DNMBP: variants seen among roughly 807,000 people sequenced by gnomAD.
The protein encoded by DNMBP is dynamin binding protein.
In DNMBP, 87 loss-of-function variants were observed where a neutral mutation model predicts 150.0. That is an observed-to-expected ratio of 0.58 (90% CI 0.49 to 0.69). The LOEUF is 0.69. DNMBP is among the 30% of genes least tolerant of loss of function. DNMBP has a pLI of 0.00. For missense variants in DNMBP, 1,774 were observed against 1,949.0 expected (o/e 0.91, Z 1.69); for synonymous variants, 711 against 750.4 (o/e 0.95, Z 0.86).
At chr10:99,935,103 A>G (rs1186432372) in intron 4 of DNMBP, among the ~76,000 whole-genome samples, 5 of 151,188 alleles carry the variant, frequency 3.3e-5, no homozygotes, top group South Asian at 2.1e-4. Flanking sequence ...AAAAAAAAAA[A>G]AAAAAAAAAA....
intron 1 of DNMBP, among the ~76,000 whole-genome samples, chr10:99,992,661 GGA>G (rs1299771568): frequency 5.9e-5 from 9 of 151,504 alleles, no homozygotes; most frequent in Non-Finnish European, 1.3e-4. Flanking sequence ...CGAGTAGCTG[GGA>G]CTATAGGCGC....
At chr10:99,974,655 C>CTTAT in intron 1 of DNMBP, among the ~76,000 whole-genome samples, 1 of 152,078 alleles carries the variant, frequency 6.6e-6, no homozygotes, top group Non-Finnish European at 1.5e-5. Context: ...ATCTCAAGTA[C>CTTAT]TTATTTGGTC....
chr10:99,974,117 C>T (rs1373894694), intron 1 of DNMBP, among the ~76,000 whole-genome samples: 1 of 152,066 alleles, frequency 6.6e-6, no homozygotes, highest in Admixed American at 6.6e-5. Context: ...AGCACGACTT[C>T]ACCTCTATTT....
chr10:100,009,635 T>G (rs11592868), intron 1 of DNMBP, among the ~76,000 whole-genome samples: 63,403 of 151,708 alleles, frequency 0.42, 13,537 homozygotes, highest in African/African-American at 0.46. Context: ...GGGGGCCCGC[T>G]GCGCCCCACT....
Position 99,956,058 on chromosome 10 carries a change from C to T in DNMBP, c.1416G>A (p.Gln472=). 1 of 1,614,208 alleles carries T rather than the reference C, an allele frequency of 6.2e-7. No homozygotes were observed. The highest frequency in any genetic ancestry group is 1.1e-5 in the South Asian group (1 of 91,078). ...KRMYSQLKTL[Q]KPVLPLYRGS... ...CCCTGTAAAGAGGGAGCACTGGCTT[C>T]TGAAGAGTTTTTAGCTGGGAATACA... Residue 472 remains glutamine (Q), a synonymous_variant, in exon 4 of 17, where the codon CAG becomes CAA. Transcript: ENST00000324109.
rs770835733 is a variant in DNMBP, at chr10:99,956,131, GGAA to G, written c.1340_1342del (p.Leu447del). 1 of 1,614,132 alleles carries G rather than the reference GGAA, an allele frequency of 6.2e-7. No individual in the cohort carries two copies. Among genetic ancestry groups the G allele is most frequent in the Non-Finnish European group, 8.5e-7 (1 of 1,180,020 alleles). On this transcript the variant is annotated inframe_deletion, in exon 4 of 17. Transcript: ENST00000324109. ...ATAGTCTCTAGTCCTTGCTTCTAGG[GGAA>G]GAAGGTCGGGGTACTGTTCTGAGTG...
intron 13 of DNMBP, 56 bp from the exon 14 acceptor site, chr10:99,885,922 C>T (rs2039452614): frequency 1.4e-6 from 2 of 1,458,124 alleles, no homozygotes; most frequent in Admixed American, 4.8e-5. Flanking sequence ...GATAAAAGAT[C>T]CCAGAGAAAA....
chr10:99,896,405 G>T lies in DNMBP; in HGVS notation c.2921-8C>A, dbSNP rs763500263. On this transcript the variant is annotated splice_polypyrimidine_tract_variant and splice_region_variant and intron_variant, in intron 9 of 16. Coordinates refer to ENST00000324109, the MANE Select transcript of DNMBP (RefSeq NM_015221.4). ...CCTTACGGTACTTGAGGACTAGGGA[G>T]TAAGTCAGAAAAGCACTTTCCTCAG... The T allele has an allele frequency of 7.1e-5, 114 of 1,614,078 alleles. No individual in the cohort carries two copies. Among genetic ancestry groups the T allele is most frequent in the Non-Finnish European group, 9.5e-5 (112 of 1,179,978 alleles).
intron 12 of DNMBP, 102 bp from the exon 13 acceptor site, chr10:99,886,734 T>C: frequency 9.0e-7 from 1 of 1,111,996 alleles, no homozygotes; most frequent in Non-Finnish European, 1.3e-6. Flanking sequence ...CTGAACCACC[T>C]ACTTCGTTTC....
chr10:99,993,160 C>T (rs1038030873), intron 1 of DNMBP, among the ~76,000 whole-genome samples: 1 of 152,112 alleles, frequency 6.6e-6, no homozygotes, highest in Admixed American at 6.5e-5. Context: ...AAGCATTACA[C>T]CAGTGTCAGC....
intron 16 of DNMBP, among the ~76,000 whole-genome samples, chr10:99,879,000 G>A (rs988939398): frequency 1.3e-5 from 2 of 150,292 alleles, no homozygotes; most frequent in Admixed American, 6.7e-5. Flanking sequence ...CAGGAGAATC[G>A]CTTGAACCTG....
At chr10:99,885,477 C>T (rs1389724801) in intron 14 of DNMBP, among the ~76,000 whole-genome samples, 3 of 152,000 alleles carry the variant, frequency 2.0e-5, no homozygotes, top group Admixed American at 6.6e-5. Flanking sequence ...CACCACTGCA[C>T]TCCAGCCTGG....
At chr10:100,003,667 C>A (rs904862489) in intron 1 of DNMBP, among the ~76,000 whole-genome samples, 1 of 152,070 alleles carries the variant, frequency 6.6e-6, no homozygotes, top group African/African-American at 2.4e-5. Context: ...CCAGCCAGGG[C>A]AACAGAGTGA....
chr10:99,994,511 G>T (rs538744682), intron 1 of DNMBP, among the ~76,000 whole-genome samples: 2 of 152,274 alleles, frequency 1.3e-5, no homozygotes, highest in South Asian at 4.1e-4. Context: ...GTCTTCTTGA[G>T]AGGAAGGGGG....
chr10:99,916,195 G>C (rs191673502), intron 4 of DNMBP, among the ~76,000 whole-genome samples: 1 of 152,240 alleles, frequency 6.6e-6, no homozygotes, highest in Non-Finnish European at 1.5e-5. Flanking sequence ...GGGCACAGTG[G>C]CTCATGCCTG....
intron 11 of DNMBP, among the ~76,000 whole-genome samples, chr10:99,890,625 A>C (rs1222531654): frequency 6.6e-6 from 1 of 152,130 alleles, no homozygotes; most frequent in Admixed American, 6.5e-5. Context: ...AGACAAAGAA[A>C]CATACTCAGT....
At chr10:99,957,324 G>T in intron 3 of DNMBP, 119 bp from the exon 4 acceptor site, 1 of 857,628 alleles carries the variant, frequency 1.2e-6, no homozygotes, top group South Asian at 1.8e-5. Flanking sequence ...TACACCTAGA[G>T]CTTTAGGAGC....
At chr10:99,926,616 G>A (rs534920966) in intron 4 of DNMBP, among the ~76,000 whole-genome samples, 27 of 152,290 alleles carry the variant, frequency 1.8e-4, no homozygotes, top group African/African-American at 6.5e-4. Flanking sequence ...AATCTTACTG[G>A]GCTGAGCAGC....
chr10:99,885,462 G>T (rs891790723), intron 14 of DNMBP, among the ~76,000 whole-genome samples: 1 of 151,954 alleles, frequency 6.6e-6, no homozygotes, highest in Non-Finnish European at 1.5e-5. Context: ...AGTGAGCCAA[G>T]ATCACACCAC....
Sources: gnomAD v4.1 joint callset for allele counts (sites outside exome capture counted in the v4.1 genomes callset) on GRCh38, gnomAD v4.1.1 for gene constraint, MANE v1.5 for transcripts, NCBI Gene and HGNC (gene_info 2026-07-23, HGNC 2026-07-21) for gene names.